Variants in FNDC3B observed in about 807,000 individuals in gnomAD.
The protein encoded by FNDC3B is fibronectin type III domain containing 3B, also known as fibronectin type III domain-containing protein 3B.
FNDC3B carries 12 observed loss-of-function variants against 151.5 expected under a neutral mutation model. The observed-to-expected ratio is 0.08, with a 90% CI of 0.05 to 0.13. The LOEUF (loss-of-function observed/expected upper bound fraction) is 0.13. Ranked by LOEUF, FNDC3B falls within the 10% of genes least tolerant of loss-of-function variation. The pLI, the probability that FNDC3B is intolerant of heterozygous loss-of-function variation, is 1.00. For synonymous variants in FNDC3B, 528 were observed against 549.0 expected, an observed-to-expected ratio of 0.96 and a Z score of 0.54; for missense variants, 1,214 against 1,505.3, an observed-to-expected ratio of 0.81 and a Z score of 3.20.
chr3:172,286,847 G>A (rs974914928), intron 7 of FNDC3B, among the ~76,000 whole-genome samples: 7 of 152,168 alleles, frequency 4.6e-5, no homozygotes, highest in African/African-American at 1.7e-4. Flanking sequence ...CAAACAGTTG[G>A]TGGATGAGTT....
rs538913931 is a variant in FNDC3B, at chr3:172,242,939, G to C, written c.265-4594G>C. ...ACAGCACCCAGGTCACCTCTTGAAGGCTCTGCTGCTTAGAGATTTCTTCTG... is the reference window on the plus strand; with the variant it reads ...ACAGCACCCAGGTCACCTCTTGAAGCCTCTGCTGCTTAGAGATTTCTTCTG... On this transcript the variant is annotated intron_variant, in intron 4 of 25. Coordinates refer to ENST00000415807, the MANE Select transcript of FNDC3B (RefSeq NM_022763.4). 2.1e-4 allele frequency among the ~76,000 whole-genome samples: 32 copies of C among 152,238 alleles called. No individual in the cohort carries two copies. In the East Asian group the frequency reaches 5.0e-3, roughly 24 times the overall value.
At chr3:172,048,131 T>C (rs866899658) in intron 1 of FNDC3B, among the ~76,000 whole-genome samples, 7 of 152,342 alleles carry the variant, frequency 4.6e-5, no homozygotes, top group South Asian at 2.1e-4. Context: ...TTACGTTTTA[T>C]ACTCAGTCAC....
At chr3:172,369,859 G>A (rs570185395) in intron 23 of FNDC3B, among the ~76,000 whole-genome samples, 11 of 151,990 alleles carry the variant, frequency 7.2e-5, no homozygotes, top group South Asian at 4.1e-4. Context: ...TTTGAGCACC[G>A]TTCGTTCCCA....
rs1178313573 is a variant in FNDC3B, at chr3:172,400,752, GTTTC to G, written c.*3285_*3288del. 4 of 135,350 alleles carry G rather than the reference GTTTC, an allele frequency of 3.0e-5. No homozygotes were observed. Among genetic ancestry groups the G allele is most frequent in the Non-Finnish European group, 4.7e-5 (3 of 63,912 alleles). The allele number at this position is 135,350 out of a possible 1,614,324, so 8.4% of individuals were successfully genotyped here. A position where few individuals can be genotyped will look rare whatever the true frequency, so the allele number is the denominator to read the frequency against. Reference sequence around the variant, plus strand: ...GATTGCTTTTGTTGTTGTTGTTGTTGTTTCTTTCTTTTTTTTTTTTTTTGAGACG... The same window carrying G: ...GATTGCTTTTGTTGTTGTTGTTGTTGTTTCTTTTTTTTTTTTTTTGAGACG... On this transcript the variant is annotated 3_prime_UTR_variant, in exon 26 of 26. Transcript: ENST00000415807.
intron 4 of FNDC3B, among the ~76,000 whole-genome samples, chr3:172,234,144 G>A (rs1175015707): frequency 3.3e-5 from 5 of 152,062 alleles, no homozygotes; most frequent in South Asian, 4.1e-4. Context: ...TCCCGGCATC[G>A]TGACATAATA....
intron 11 of FNDC3B, among the ~76,000 whole-genome samples, chr3:172,322,975 C>T (rs185973450): frequency 3.9e-5 from 6 of 152,248 alleles, no homozygotes; most frequent in South Asian, 2.1e-4. Context: ...AAAGCAGGAT[C>T]GTGTATTCTG....
intron 1 of FNDC3B, among the ~76,000 whole-genome samples, chr3:172,051,852 T>C (rs1402049911): frequency 6.6e-6 from 1 of 152,208 alleles, no homozygotes; most frequent in African/African-American, 2.4e-5. Flanking sequence ...CTTCAGAGAA[T>C]ACATGACTTT....
intron 1 of FNDC3B, among the ~76,000 whole-genome samples, chr3:172,066,229 A>G (rs1332311504): frequency 1.3e-5 from 2 of 152,132 alleles, no homozygotes; most frequent in African/African-American, 2.4e-5. Context: ...GGTGTTCAAT[A>G]TGGGTGGGAG....
At chr3:172,266,956 G>C (rs77699848) in intron 6 of FNDC3B, among the ~76,000 whole-genome samples, 1,790 of 152,230 alleles carry the variant, frequency 0.012, 37 homozygotes, top group African/African-American at 0.041. Context: ...TGCATCCTAG[G>C]TCTGATTGAT....
intron 1 of FNDC3B, among the ~76,000 whole-genome samples, chr3:172,098,084 CT>C (rs971333026): frequency 2.6e-5 from 4 of 151,302 alleles, no homozygotes; most frequent in Admixed American, 6.6e-5. Context: ...ATATTATTAA[CT>C]TATTTAATGG....
At chr3:172,268,896 A>G (rs2108800358) in intron 6 of FNDC3B, among the ~76,000 whole-genome samples, 1 of 152,372 alleles carries the variant, frequency 6.6e-6, no homozygotes, top group Middle Eastern at 3.4e-3. Flanking sequence ...TTTTGGAATC[A>G]ATTTAAATGA....
chr3:172,232,637 T>C (rs372724134), intron 4 of FNDC3B, among the ~76,000 whole-genome samples: 6 of 152,306 alleles, frequency 3.9e-5, no homozygotes, highest in African/African-American at 1.2e-4. Context: ...AGAGAAAATA[T>C]AGACCTTTTT....
At chr3:172,270,231 A>G (rs917941936) in intron 6 of FNDC3B, among the ~76,000 whole-genome samples, 5 of 152,136 alleles carry the variant, frequency 3.3e-5, no homozygotes, top group African/African-American at 1.2e-4. Context: ...ATAGAGTGTT[A>G]CTCTCTTTGC....
chr3:172,143,823 C>G (rs931508692), intron 3 of FNDC3B, among the ~76,000 whole-genome samples: 6 of 151,898 alleles, frequency 4.0e-5, no homozygotes, highest in Non-Finnish European at 7.4e-5. Context: ...GGAGGAGAAT[C>G]GCTTGAACCT....
chr3:172,066,995 G>T (rs1030282488), intron 1 of FNDC3B, among the ~76,000 whole-genome samples: 2 of 151,938 alleles, frequency 1.3e-5, no homozygotes, highest in Non-Finnish European at 2.9e-5. Flanking sequence ...TGGATTTAGG[G>T]GTCTTGTACC....
chr3:172,133,618 T>C, intron 3 of FNDC3B, 72 bp downstream of exon 3: 1 of 1,048,184 alleles, frequency 9.5e-7, no homozygotes. Flanking sequence ...TGTTTTTCTG[T>C]GTGTGTCTGC....
At chr3:172,278,602 A>C (rs1000354660) in intron 6 of FNDC3B, among the ~76,000 whole-genome samples, 1 of 152,182 alleles carries the variant, frequency 6.6e-6, no homozygotes, top group Admixed American at 6.5e-5. Flanking sequence ...GTGGGTTTGC[A>C]TCCCTGTACA....
At chr3:172,333,949 G>T (rs1732820429) in intron 14 of FNDC3B, among the ~76,000 whole-genome samples, 1 of 150,648 alleles carries the variant, frequency 6.6e-6, no homozygotes, top group African/African-American at 2.4e-5. Flanking sequence ...TGTTACTATA[G>T]GACTATGTGT....
chr3:172,298,696 A>G, intron 8 of FNDC3B, 32 bp from the exon 9 acceptor site: 1 of 1,546,784 alleles, frequency 6.5e-7, no homozygotes, highest in Non-Finnish European at 8.9e-7. Context: ...TGAAACTGGA[A>G]TTAGCAACTA....
Sources: allele counts gnomAD v4.1 joint callset (sites outside exome capture counted in the v4.1 genomes callset), GRCh38; gene constraint gnomAD v4.1.1; transcripts MANE v1.5; gene names NCBI Gene and HGNC (gene_info 2026-07-23, HGNC 2026-07-21).